The following MICAL2 variants were observed in gnomAD, a reference collection of about 807,000 sequenced individuals.
MICAL2 encodes the protein microtubule associated monooxygenase, calponin and LIM domain containing 2, also known as [F-actin]-monooxygenase MICAL2.
A neutral mutation model predicts 127.3 loss-of-function variants in MICAL2; 77 were observed. That is an observed-to-expected ratio of 0.60 (90% CI 0.50 to 0.73). The LOEUF (loss-of-function observed/expected upper bound fraction) is 0.73, where lower values mean the gene tolerates loss of function less well. MICAL2 is among the 30% of genes least tolerant of loss of function. The pLI is 0.00. For synonymous variants in MICAL2, 570 were observed against 551.1 expected (o/e 1.03, Z -0.48); for missense variants, 1,351 against 1,434.4 (o/e 0.94, Z 0.94).
chr11:12,204,603 G>T, intron 4 of MICAL2, 146 bp downstream of exon 4: 1 of 783,718 alleles, frequency 1.3e-6, no homozygotes, highest in South Asian at 1.8e-5. Context: ...CTAGTAAAAG[G>T]CCTGCTTTGT....
At chr11:12,284,890 G>A (rs4756813) in intron 2 of MICAL2, among the ~76,000 whole-genome samples, 74,498 of 152,040 alleles carry the variant, frequency 0.49, 20,203 homozygotes, top group Non-Finnish European at 0.62. Flanking sequence ...GACATGAAGC[G>A]CCTCCAAATG....
chr11:12,135,099 C>T (rs1364291896), intron 1 of MICAL2, among the ~76,000 whole-genome samples: 1 of 152,198 alleles, frequency 6.6e-6, no homozygotes, highest in Non-Finnish European at 1.5e-5. Context: ...CCATGTACCA[C>T]TGCTAAGGAG....
chr11:12,244,233 A>ATT (rs1410227993), intron 21 of MICAL2, 121 bp downstream of exon 21: 3 of 1,332,212 alleles, frequency 2.3e-6, no homozygotes. Context: ...TTTGTAAGAT[A>ATT]TTTTACACCA....
intron 32 of MICAL2, among the ~76,000 whole-genome samples, chr11:12,339,619 G>A (rs1192780424): frequency 3.3e-5 from 5 of 152,102 alleles, no homozygotes; most frequent in African/African-American, 9.7e-5. Flanking sequence ...GTACAGATGG[G>A]TTTTTGGTGT....
chr11:12,146,540 A>G (rs1000160011), intron 2 of MICAL2, among the ~76,000 whole-genome samples: 2 of 152,212 alleles, frequency 1.3e-5, no homozygotes, highest in East Asian at 1.9e-4. Context: ...TAGAACGGTG[A>G]TCATTAAAAA....
intron 1 of MICAL2, among the ~76,000 whole-genome samples, chr11:12,280,559 T>C (rs947070839): frequency 3.3e-5 from 5 of 152,224 alleles, no homozygotes; most frequent in Admixed American, 2.6e-4. Flanking sequence ...AGCTTGTAGA[T>C]GGCATCTTCC....
intron 29 of MICAL2, among the ~76,000 whole-genome samples, chr11:12,298,387 A>G (rs1319087064): frequency 3.3e-5 from 5 of 152,154 alleles, no homozygotes; most frequent in Middle Eastern, 3.4e-3. Flanking sequence ...AAGTTTTTCA[A>G]TGGATTCCCC....
chr11:12,343,172 C>A (rs1168862449), intron 32 of MICAL2, among the ~76,000 whole-genome samples: 1 of 152,092 alleles, frequency 6.6e-6, no homozygotes, highest in Non-Finnish European at 1.5e-5. Flanking sequence ...CTTTGGGAGG[C>A]TGAGGTGGGC....
At chr11:12,344,604 G>A (rs1288221413) in intron 32 of MICAL2, among the ~76,000 whole-genome samples, 5 of 149,478 alleles carry the variant, frequency 3.3e-5, no homozygotes, top group African/African-American at 9.7e-5. Context: ...AGGTTCAAGC[G>A]ATTCTCCTGT....
intron 29 of MICAL2, among the ~76,000 whole-genome samples, chr11:12,301,322 GC>G (rs1864043749): frequency 6.6e-6 from 1 of 152,156 alleles, no homozygotes. Context: ...CATGTTATGT[GC>G]AGAAGTGGTT....
chr11:12,198,687 C>T (rs966162260), intron 3 of MICAL2, among the ~76,000 whole-genome samples: 1 of 152,142 alleles, frequency 6.6e-6, no homozygotes, highest in Non-Finnish European at 1.5e-5. Context: ...GGGAGGACTG[C>T]GGCTACCAGG....
At chr11:12,241,957 A>G (rs1222239422) in intron 18 of MICAL2, among the ~76,000 whole-genome samples, 1 of 152,036 alleles carries the variant, frequency 6.6e-6, no homozygotes, top group Admixed American at 6.6e-5. Flanking sequence ...GTATGCAGCT[A>G]GGATTGAGAA....
At chr11:12,176,527 G>C (rs748186636) in intron 3 of MICAL2, among the ~76,000 whole-genome samples, 1 of 152,052 alleles carries the variant, frequency 6.6e-6, no homozygotes, top group Non-Finnish European at 1.5e-5. Context: ...ATCTTTAAGT[G>C]CACAGTTCAG....
At chr11:12,157,890 A>G (rs140590654) in intron 2 of MICAL2, among the ~76,000 whole-genome samples, 100 of 152,254 alleles carry the variant, frequency 6.6e-4, no homozygotes, top group African/African-American at 2.3e-3. Flanking sequence ...CATTACCAAA[A>G]CTACTTTCTA....
chr11:12,133,981 G>A (rs1851633363), intron 1 of MICAL2, among the ~76,000 whole-genome samples: 1 of 152,234 alleles, frequency 6.6e-6, no homozygotes, highest in Non-Finnish European at 1.5e-5. Context: ...AAAGACCCCA[G>A]GCTCCACTGA....
intron 1 of MICAL2, among the ~76,000 whole-genome samples, chr11:12,279,499 A>C (rs1430814830): frequency 6.6e-6 from 1 of 152,204 alleles, no homozygotes; most frequent in African/African-American, 2.4e-5. Context: ...CACAGCCTTC[A>C]GAGTCTTCTA....
chr11:12,134,858 G>A (rs1045352477), intron 1 of MICAL2, among the ~76,000 whole-genome samples: 7 of 152,186 alleles, frequency 4.6e-5, no homozygotes, highest in Non-Finnish European at 1.0e-4. Flanking sequence ...AGGATACATT[G>A]GAAGGTTTCG....
intron 20 of MICAL2, 176 bp downstream of exon 20, chr11:12,242,948 C>G: frequency 2.1e-6 from 1 of 486,662 alleles, no homozygotes; most frequent in Non-Finnish European, 3.6e-6. Flanking sequence ...GACCCAAATG[C>G]GAAGATTCAA....
downstream of MICAL2, among the ~76,000 whole-genome samples, chr11:12,290,987 G>T (rs748441522): frequency 6.6e-6 from 1 of 152,198 alleles, no homozygotes; most frequent in Non-Finnish European, 1.5e-5. Context: ...CCAGGGGATT[G>T]TGTTGCGCTA....
Sources: allele counts gnomAD v4.1 joint callset (sites outside exome capture counted in the v4.1 genomes callset), GRCh38; gene constraint gnomAD v4.1.1; transcripts MANE v1.5; gene names NCBI Gene and HGNC (gene_info 2026-07-23, HGNC 2026-07-21).